MYOZ1: variants seen among roughly 807,000 people sequenced by gnomAD.
MYOZ1 encodes the protein myozenin-1.
MYOZ1 carries 20 observed loss-of-function variants against 28.7 expected under a neutral mutation model. The ratio of observed to expected loss-of-function variants is 0.70; its 90% confidence interval spans 0.49 to 1.01. The LOEUF is 1.01. MYOZ1 is among the 50% of genes least tolerant of loss of function. The pLI is 0.00. For synonymous variants in MYOZ1, 144 were observed against 145.8 expected, an observed-to-expected ratio of 0.99 and a Z score of 0.09; for missense variants, 371 against 372.4, an observed-to-expected ratio of 1.00 and a Z score of 0.03.
intron 3 of MYOZ1, among the ~76,000 whole-genome samples, chr10:73,636,989 C>T (rs939719964): frequency 1.3e-5 from 2 of 148,404 alleles, no homozygotes; most frequent in Admixed American, 6.7e-5. Flanking sequence ...TTTGCCTTAT[C>T]TTCTTCCTTT....
chr10:73,636,322 C>T (rs2081667119), intron 3 of MYOZ1, among the ~76,000 whole-genome samples: 1 of 152,170 alleles, frequency 6.6e-6, no homozygotes, highest in South Asian at 2.1e-4. Context: ...AGGGAATAGA[C>T]TGACCCTTTA....
chr10:73,639,992 G>T lies in MYOZ1; in HGVS notation c.26C>A (p.Pro9His). 6.2e-7 allele frequency: 1 copy of T among 1,613,992 alleles called. No homozygotes were observed. The highest frequency in any genetic ancestry group is 8.5e-7 in the Non-Finnish European group (1 of 1,179,988). MPLSGTPA[P>H]NKKRKSSKLI... is the part of the protein sequence containing the mutation. ...CTTGCTGGATTTCCTCTTCTTATTA[G>T]GGGCCGGGGTTCCTGAGAGCGGCAT... Residue 9 changes from proline to histidine, a missense_variant, in exon 2 of 6, where the codon CCT becomes CAT. Transcript: ENST00000359322.
chr10:73,635,234 T>C (rs1466112066), intron 3 of MYOZ1, among the ~76,000 whole-genome samples: 1 of 151,944 alleles, frequency 6.6e-6, no homozygotes, highest in African/African-American at 2.4e-5. Flanking sequence ...CGAATTAAAC[T>C]CTTCTTAAGA....
intron 2 of MYOZ1, among the ~76,000 whole-genome samples, chr10:73,638,453 C>T (rs1365794842): frequency 6.6e-6 from 1 of 151,324 alleles, no homozygotes; most frequent in Admixed American, 6.6e-5. Flanking sequence ...CTGCCTCAGC[C>T]TCCCAGGTCG....
chr10:73,634,534 G>C lies in MYOZ1; in HGVS notation c.452C>G (p.Ala151Gly), dbSNP rs758286396. 5 of 1,613,956 alleles carry C rather than the reference G, an allele frequency of 3.1e-6. No individual in the cohort carries two copies. Among genetic ancestry groups the C allele is most frequent in the Non-Finnish European group, 4.2e-6 (5 of 1,180,018 alleles). Residue 151 changes from alanine (A) to glycine (G), a missense_variant, in exon 4 of 6, where the codon GCT (alanine) becomes GGT (glycine). Physicochemically the swap from Ala to Gly is moderately conservative, Grantham distance 60. Transcript: ENST00000359322. ...TGTGCCAGCAGCTCCTCCTCTGCCA[G>C]CCTGGCCCGCGGGACCACCTGTACC... ...AGGTGGPAGQ[A>G]GRGGAAGTAG... is the part of the protein sequence containing the mutation.
rs1367338342 is a variant in MYOZ1, at chr10:73,631,890, C to G, written c.*40G>C. The G allele has an allele frequency of 1.9e-6, 3 of 1,552,964 alleles. No individual in the cohort carries two copies. The highest frequency in any genetic ancestry group is 2.7e-5 in the African/African-American group (2 of 73,574). On this transcript the variant is annotated 3_prime_UTR_variant, in exon 6 of 6. Transcript: ENST00000359322. ...TCAGCATTCCCTCTCCAAATTGGAGCCAGAGAGGGGAAATGATGCAAATCA... is the reference window on the plus strand; with the variant it reads ...TCAGCATTCCCTCTCCAAATTGGAGGCAGAGAGGGGAAATGATGCAAATCA...
intron 3 of MYOZ1, among the ~76,000 whole-genome samples, 163 bp from the exon 4 acceptor site, chr10:73,634,896 G>T (rs143352705): frequency 6.6e-6 from 1 of 152,144 alleles, no homozygotes; most frequent in Non-Finnish European, 1.5e-5. Context: ...CTGACTAAGA[G>T]AATTAAACTC....
At chr10:73,633,807 C>T (rs1006911281) in intron 5 of MYOZ1, 93 bp downstream of exon 5, 1 of 1,374,022 alleles carries the variant, frequency 7.3e-7, no homozygotes, top group Non-Finnish European at 9.9e-7. Context: ...TCTCCTTAGC[C>T]TCCTTCTGAA....
chr10:73,640,123 G>A (rs2081694772), intron 1 of MYOZ1, 88 bp from the exon 2 acceptor site: 1 of 1,153,954 alleles, frequency 8.7e-7, no homozygotes, highest in Non-Finnish European at 1.3e-6. Context: ...CTTAACCTGG[G>A]TTTAAGGGCT....
chr10:73,632,590 C>T (rs768360654), intron 5 of MYOZ1, among the ~76,000 whole-genome samples: 3 of 151,046 alleles, frequency 2.0e-5, no homozygotes, highest in African/African-American at 2.4e-5. Context: ...CGTGGTGAAA[C>T]GCCATCTCTA....
chr10:73,640,741 T>C (rs1289482889), intron 1 of MYOZ1, among the ~76,000 whole-genome samples: 1 of 152,230 alleles, frequency 6.6e-6, no homozygotes, highest in Non-Finnish European at 1.5e-5. Context: ...TTCCAGGCTC[T>C]GGTCTCTCCT....
rs2081675731 is a variant in MYOZ1 at position 73,637,748 on chromosome 10, G to C, written c.248C>G (p.Ser83Ter). 1 of 1,612,330 alleles carries C rather than the reference G, an allele frequency of 6.2e-7. No individual in the cohort carries two copies. Among genetic ancestry groups the C allele is most frequent in the African/African-American group, 1.3e-5 (1 of 74,864 alleles). ...ENHPDVFSDS[S>*]MDHFQKFLPT... Reference sequence around the variant, plus strand: ...GTGATAAAGTTCCAGACTCACCATTGAGCTGTCAGAGAAAACATCAGGGTG... The same window carrying C: ...GTGATAAAGTTCCAGACTCACCATTCAGCTGTCAGAGAAAACATCAGGGTG... The change falls in exon 3 of 6, where the codon TCA becomes TGA. Residue 83 changes from serine to a stop codon, truncating the protein, a stop_gained. Transcript: ENST00000359322. LOFTEE classifies it high-confidence loss of function.
chr10:73,637,164 G>A lies in MYOZ1; in HGVS notation c.252+580C>T, dbSNP rs184216600. ...AGTACCTGGGATCACAGGAACCCAC[G>A]ACCACGCCCAGCTAATTTTTTGTAT... On this transcript the variant is annotated intron_variant, in intron 3 of 5. Coordinates refer to ENST00000359322, the MANE Select transcript of MYOZ1 (RefSeq NM_021245.4). Among the ~76,000 whole-genome samples, 245 of 151,424 alleles carry A rather than the reference G, an allele frequency of 1.6e-3. 2 individuals carry two copies. Among genetic ancestry groups the A allele is most frequent in the Middle Eastern group, 0.01 (3 of 294 alleles).
intron 1 of MYOZ1, among the ~76,000 whole-genome samples, chr10:73,640,958 G>C (rs1176888504): frequency 6.6e-6 from 1 of 152,150 alleles, no homozygotes; most frequent in Non-Finnish European, 1.5e-5. Flanking sequence ...GGGAAGGGTA[G>C]GGAGCATTCA....
At chr10:73,634,213 T>G (rs2132405411) in intron 4 of MYOZ1, 148 bp from the exon 5 acceptor site, 1 of 1,084,974 alleles carries the variant, frequency 9.2e-7, no homozygotes, top group East Asian at 2.6e-5. Flanking sequence ...TGTGGCATAA[T>G]GATAGTCTGT....
chr10:73,640,079 G>A, intron 1 of MYOZ1, 44 bp from the exon 2 acceptor site: 3 of 1,501,768 alleles, frequency 2.0e-6, no homozygotes, highest in Non-Finnish European at 2.8e-6. Flanking sequence ...GACAGGGACT[G>A]GGAAGAGTGA....
chr10:73,640,612 G>T (rs2081698048), intron 1 of MYOZ1, among the ~76,000 whole-genome samples: 1 of 152,156 alleles, frequency 6.6e-6, no homozygotes, highest in African/African-American at 2.4e-5. Flanking sequence ...TAGGAACATA[G>T]CTAGGTGTGG....
intron 2 of MYOZ1, 71 bp downstream of exon 2, chr10:73,639,874 T>C (rs1284048420): frequency 6.8e-7 from 1 of 1,469,260 alleles, no homozygotes; most frequent in Non-Finnish European, 9.5e-7. Flanking sequence ...CTAAGATATA[T>C]ATTTCTGGGA....
At chr10:73,641,103 G>A (rs542099182) in intron 1 of MYOZ1, among the ~76,000 whole-genome samples, 1 of 152,280 alleles carries the variant, frequency 6.6e-6, no homozygotes, top group South Asian at 2.1e-4. Context: ...AAGAGAAGTT[G>A]GCACTCAGTG....
Sources: gnomAD v4.1 joint callset for allele counts (sites outside exome capture counted in the v4.1 genomes callset) on GRCh38, gnomAD v4.1.1 for gene constraint, MANE v1.5 for transcripts, NCBI Gene and HGNC (gene_info 2026-07-23, HGNC 2026-07-21) for gene names.